The following USP7 variants were observed in gnomAD, a reference collection of about 807,000 sequenced individuals.
USP7 encodes ubiquitin specific peptidase 7, also known as ubiquitin C-terminal hydrolase 7.
A neutral mutation model predicts 162.9 loss-of-function variants in USP7; 9 were observed. The observed-to-expected ratio is 0.06, with a 90% confidence interval of 0.03 to 0.10. The LOEUF (loss-of-function observed/expected upper bound fraction) is 0.10, where lower values mean the gene tolerates loss of function less well. Among genes scored for constraint, USP7 ranks in the 10% least tolerant of loss-of-function variants. The pLI is 1.00. For synonymous variants in USP7, 562 were observed against 475.9 expected (o/e 1.18, Z -2.35); for missense variants, 715 against 1,373.7 (o/e 0.52, Z 7.58).
intron 1 of USP7, among the ~76,000 whole-genome samples, chr16:8,959,886 C>G (rs370001194): frequency 2.0e-5 from 3 of 152,322 alleles, no homozygotes; most frequent in East Asian, 3.9e-4. Context: ...CTAATAGCAG[C>G]AGTCTAAGTG....
At chr16:8,948,431 G>T (rs887666398) in intron 1 of USP7, among the ~76,000 whole-genome samples, 1 of 151,994 alleles carries the variant, frequency 6.6e-6, no homozygotes, top group Admixed American at 6.6e-5. Context: ...GCTATCCACC[G>T]GCCTCGGCCT....
intron 26 of USP7, 64 bp from the exon 27 acceptor site, chr16:8,895,805 G>T: frequency 3.5e-6 from 4 of 1,156,240 alleles, no homozygotes; most frequent in Non-Finnish European, 4.9e-6. Flanking sequence ...AAAATAAAAT[G>T]GTTTTCTAGA....
intron 1 of USP7, among the ~76,000 whole-genome samples, chr16:8,961,564 G>C (rs2141271197): frequency 6.7e-6 from 1 of 149,336 alleles, no homozygotes; most frequent in Admixed American, 6.8e-5. Context: ...AAAGATACAG[G>C]TCTGTAACAC....
intron 26 of USP7, among the ~76,000 whole-genome samples, chr16:8,896,680 A>G (rs879345918): frequency 2.0e-5 from 3 of 152,156 alleles, no homozygotes; most frequent in Non-Finnish European, 4.4e-5. Flanking sequence ...TTCTATGGGA[A>G]CTGCGCCTTT....
intron 12 of USP7, among the ~76,000 whole-genome samples, chr16:8,906,897 G>C (rs1271509934): frequency 6.6e-6 from 1 of 152,176 alleles, no homozygotes; most frequent in Non-Finnish European, 1.5e-5. Context: ...AATTCAGAAA[G>C]ACATGTAAAA....
In USP7 at chr16:8,956,776, C is replaced by CAA. The variant is rs375578803; in HGVS notation, c.79+6429_79+6430dup. 2.2e-3 allele frequency among the ~76,000 whole-genome samples: 326 copies of CAA among 147,680 alleles called. 1 individual carries two copies. Among genetic ancestry groups the CAA allele is most frequent in the Admixed American group, 3.2e-3 (48 of 14,802 alleles). Reference sequence around the variant, plus strand: ...AGACTTCGTATTAAAAAAACAAAAACAAAAAAAAAAAAACACTGAATTTGC... The same window carrying CAA: ...AGACTTCGTATTAAAAAAACAAAAACAAAAAAAAAAAAAAACACTGAATTTGC... On this transcript the variant is annotated intron_variant, in intron 1 of 30. Transcript: ENST00000344836.
In USP7 at chr16:8,895,139, C is replaced by T; in HGVS notation, c.2931G>A (p.Leu977=). The part of the protein sequence containing the change: ...SRTFRIEEIP[L]DQVDIDKENE... ...TCTCTTTGTCTATGTCCACCTGGTCCAAAGGGATTTCCTGGGGACACGGAC... is the reference window on the plus strand; with the variant it reads ...TCTCTTTGTCTATGTCCACCTGGTCTAAAGGGATTTCCTGGGGACACGGAC... Residue 977 remains leucine, a synonymous_variant, in exon 28 of 31, where the codon TTG becomes TTA. Transcript: ENST00000344836. The T allele has an allele frequency of 1.2e-6, 2 of 1,614,212 alleles. No individual in the cohort carries two copies. Among genetic ancestry groups the T allele is most frequent in the Non-Finnish European group, 1.7e-6 (2 of 1,180,040 alleles).
intron 1 of USP7, among the ~76,000 whole-genome samples, chr16:8,941,267 T>C (rs1471435): frequency 0.3 from 45,497 of 152,128 alleles, 8,633 homozygotes; most frequent in East Asian, 0.66. Context: ...AAATTAACTA[T>C]GCTCAAACAT....
chr16:8,927,984 A>T (rs951433259), intron 2 of USP7, among the ~76,000 whole-genome samples: 4 of 152,230 alleles, frequency 2.6e-5, no homozygotes, highest in African/African-American at 9.6e-5. Context: ...ATCACTACAA[A>T]CAATTAGCCA....
At chr16:8,953,100 C>T (rs1336525204) in intron 1 of USP7, among the ~76,000 whole-genome samples, 1 of 152,100 alleles carries the variant, frequency 6.6e-6, no homozygotes, top group Non-Finnish European at 1.5e-5. Flanking sequence ...TCCCGAAATG[C>T]TGGGATTACA....
chr16:8,960,432 G>A (rs1899965680), intron 1 of USP7, among the ~76,000 whole-genome samples: 1 of 152,178 alleles, frequency 6.6e-6, no homozygotes, highest in Admixed American at 6.5e-5. Context: ...AAAAGCAAAT[G>A]CAACCCCAAG....
chr16:8,903,469 C>G, intron 15 of USP7, 67 bp from the exon 16 acceptor site: 1 of 1,501,968 alleles, frequency 6.7e-7, no homozygotes, highest in Non-Finnish European at 8.9e-7. Context: ...ACACTGAACA[C>G]ATTTAAACAC....
chr16:8,956,716 T>G (rs1456891924), intron 1 of USP7, among the ~76,000 whole-genome samples: 3 of 151,184 alleles, frequency 2.0e-5, no homozygotes, highest in Non-Finnish European at 4.4e-5. Context: ...TGAGCCGAGA[T>G]CGTCCCACTG....
intron 1 of USP7, among the ~76,000 whole-genome samples, chr16:8,962,179 C>A (rs955161915): frequency 5.3e-5 from 8 of 152,212 alleles, no homozygotes; most frequent in African/African-American, 1.9e-4. Flanking sequence ...ACCCAAGATC[C>A]CTTGCTAAAA....
Position 8,915,647 on chromosome 16 carries a change from C to A in USP7, c.907-122G>T, listed in dbSNP as rs1897334467. 7 of 860,542 alleles carry A rather than the reference C, an allele frequency of 8.1e-6. No individual in the cohort carries two copies. In the East Asian group the frequency reaches 1.6e-4, roughly 20 times the overall value. 53.3% of individuals were successfully genotyped at this position (860,542 alleles called of 1,614,324 possible). On this transcript the variant is annotated intron_variant, in intron 8 of 30. Coordinates refer to ENST00000344836, the MANE Select transcript of USP7 (RefSeq NM_003470.3). ...GTTGTAGACTATAAAAATATGACCT[C>A]TGGCATGCAATTCTCAAAAACATAC...
At chr16:8,946,028 T>C (rs1413332654) in intron 1 of USP7, among the ~76,000 whole-genome samples, 2 of 152,084 alleles carry the variant, frequency 1.3e-5, no homozygotes, top group African/African-American at 2.4e-5. Context: ...CAGATCCCAT[T>C]TGATTTTTGA....
intron 1 of USP7, chr16:8,936,706 C>A: frequency 1.4e-6 from 2 of 1,435,180 alleles, no homozygotes; most frequent in East Asian, 2.7e-5. Context: ...AGGAGCTCTA[C>A]CTCAGCATTC....
intron 15 of USP7, among the ~76,000 whole-genome samples, chr16:8,903,906 CTG>C (rs1596358491): frequency 2.0e-5 from 3 of 151,814 alleles, no homozygotes; most frequent in African/African-American, 4.8e-5. Flanking sequence ...GAAAAGGAGA[CTG>C]TGTTTCACTG....
Position 8,926,003 on chromosome 16 carries a change from A to C in USP7, c.185-2590T>G, listed in dbSNP as rs113148479. Among the ~76,000 whole-genome samples, 1,447 of 152,004 alleles carry C rather than the reference A, an allele frequency of 9.5e-3. 24 individuals carry two copies. Among genetic ancestry groups the C allele is most frequent in the African/African-American group, 0.032 (1,309 of 41,454 alleles). On this transcript the variant is annotated intron_variant, in intron 2 of 30. Transcript: ENST00000344836. ...CTCCATCTCTACCAAAACTACAAAA[A>C]ATTAGCCGGGTGCAGAGGCTGGCGC...
Sources: gnomAD v4.1 joint callset for allele counts (sites outside exome capture counted in the v4.1 genomes callset) on GRCh38, gnomAD v4.1.1 for gene constraint, MANE v1.5 for transcripts, NCBI Gene and HGNC (gene_info 2026-07-23, HGNC 2026-07-21) for gene names.